The following ARK2C variants were observed in gnomAD, a reference collection of about 807,000 sequenced individuals.
ARK2C encodes the protein E3 ubiquitin-protein ligase ARK2C.
At chr18:46,429,314 A>G in the ARK2C span, among the ~76,000 whole-genome samples, 2 of 152,238 alleles carry the variant, frequency 1.3e-5, no homozygotes, top group African/African-American at 4.8e-5. Context: ...AGCATAAGAC[A>G]CATTGAGCCA....
chr18:46,399,597 G>A, the ARK2C span, among the ~76,000 whole-genome samples: 104 of 152,308 alleles, frequency 6.8e-4, no homozygotes, highest in Non-Finnish European at 1.2e-3. Context: ...TGGGAGGGTG[G>A]GCTGGCAATG....
chr18:46,436,916 T>G, the ARK2C span, among the ~76,000 whole-genome samples: 1 of 152,180 alleles, frequency 6.6e-6, no homozygotes, highest in Admixed American at 6.5e-5. Flanking sequence ...GCTGAGTGAT[T>G]GGAACACACA....
At chr18:46,433,006 C>A in the ARK2C span, among the ~76,000 whole-genome samples, 1 of 152,148 alleles carries the variant, frequency 6.6e-6, no homozygotes, top group Admixed American at 6.5e-5. Context: ...ATCAGGTACA[C>A]GCACACAGCC....
At chr18:46,380,562 C>A in the ARK2C span, among the ~76,000 whole-genome samples, 3 of 152,174 alleles carry the variant, frequency 2.0e-5, no homozygotes, top group African/African-American at 7.2e-5. Context: ...TTCCTCAGGT[C>A]CTAGTGCTTC....
the ARK2C span, among the ~76,000 whole-genome samples, chr18:46,454,810 C>T: frequency 6.6e-6 from 1 of 152,294 alleles, no homozygotes; most frequent in East Asian, 1.9e-4. Context: ...TGTTTCATGG[C>T]ACAGTGTGAA....
chr18:46,373,815 C>A, the ARK2C span, among the ~76,000 whole-genome samples: 1 of 152,198 alleles, frequency 6.6e-6, no homozygotes, highest in Non-Finnish European at 1.5e-5. Context: ...CCAGACCGTG[C>A]AGCCAGAGAA....
At chr18:46,418,495 T>C in the ARK2C span, among the ~76,000 whole-genome samples, 1 of 152,270 alleles carries the variant, frequency 6.6e-6, no homozygotes, top group Non-Finnish European at 1.5e-5. Flanking sequence ...AAGTCTCTGA[T>C]GTCTTGTGTC....
At chr18:46,346,284 A>G in the ARK2C span, among the ~76,000 whole-genome samples, 1 of 152,242 alleles carries the variant, frequency 6.6e-6, no homozygotes, top group African/African-American at 2.4e-5. Context: ...TTATTGTGGT[A>G]AAACATACAC....
chr18:46,417,395 ACTC>A, the ARK2C span, among the ~76,000 whole-genome samples: 6 of 151,942 alleles, frequency 3.9e-5, no homozygotes, highest in Non-Finnish European at 7.4e-5. Context: ...TATCACCTAA[ACTC>A]CTACCACTCA....
At chr18:46,392,183 C>T in the ARK2C span, among the ~76,000 whole-genome samples, 3 of 152,346 alleles carry the variant, frequency 2.0e-5, no homozygotes, top group African/African-American at 7.2e-5. Context: ...CACATGCACA[C>T]ATACTGTGGT....
At chr18:46,437,180 C>A in the ARK2C span, among the ~76,000 whole-genome samples, 1 of 138,564 alleles carries the variant, frequency 7.2e-6, no homozygotes, top group Non-Finnish European at 1.7e-5. Flanking sequence ...TGCCTAGAGG[C>A]CCGCCTGGTC....
chr18:46,397,067 G>A, the ARK2C span, among the ~76,000 whole-genome samples: 2 of 152,230 alleles, frequency 1.3e-5, no homozygotes, highest in African/African-American at 4.8e-5. Context: ...TCTGTCAGGA[G>A]TCCGTGAGGT....
the ARK2C span, among the ~76,000 whole-genome samples, chr18:46,356,269 A>C: frequency 1.3e-5 from 2 of 152,218 alleles, no homozygotes; most frequent in Non-Finnish European, 2.9e-5. Context: ...AGCATTGAAC[A>C]ATCACCTGAT....
the ARK2C span, among the ~76,000 whole-genome samples, chr18:46,449,168 AG>A: frequency 6.6e-6 from 1 of 152,190 alleles, no homozygotes; most frequent in Non-Finnish European, 1.5e-5. Flanking sequence ...TGAGGAATAG[AG>A]AGGCTAAGTA....
the ARK2C span, among the ~76,000 whole-genome samples, chr18:46,415,715 C>A: frequency 1.3e-5 from 2 of 152,218 alleles, no homozygotes; most frequent in East Asian, 3.9e-4. Context: ...CTTTCTAACC[C>A]TTGAGCCTCA....
At chr18:46,446,184 A>G in the ARK2C span, among the ~76,000 whole-genome samples, 2 of 152,194 alleles carry the variant, frequency 1.3e-5, no homozygotes, top group Non-Finnish European at 2.9e-5. Flanking sequence ...ACAATCAATG[A>G]TCTTTGCTTA....
the ARK2C span, among the ~76,000 whole-genome samples, chr18:46,436,106 A>G: frequency 2.6e-5 from 4 of 152,184 alleles, no homozygotes; most frequent in African/African-American, 9.7e-5. Flanking sequence ...CTCATAAGAG[A>G]GCTGATATTA....
the ARK2C span, among the ~76,000 whole-genome samples, chr18:46,406,028 G>T: frequency 6.6e-6 from 1 of 151,816 alleles, no homozygotes; most frequent in Non-Finnish European, 1.5e-5. Context: ...CTGTGTGTGT[G>T]TACACCCTTA....
chr18:46,427,103 C>A, the ARK2C span, among the ~76,000 whole-genome samples: 1 of 152,226 alleles, frequency 6.6e-6, no homozygotes, highest in African/African-American at 2.4e-5. Flanking sequence ...GTTTCCACTT[C>A]CAGTTCCCTT....
Sources: allele counts gnomAD v4.1 joint callset (sites outside exome capture counted in the v4.1 genomes callset), GRCh38; gene constraint gnomAD v4.1.1; transcripts MANE v1.5; gene names NCBI Gene and HGNC (gene_info 2026-07-23, HGNC 2026-07-21).